Variants in MAML3 observed in about 807,000 individuals in gnomAD.
MAML3 encodes mastermind-like protein 3.
A neutral mutation model predicts 101.9 loss-of-function variants in MAML3; 27 were observed. That is an observed-to-expected ratio of 0.27 (90% CI 0.20 to 0.37). The LOEUF (loss-of-function observed/expected upper bound fraction) is 0.37. MAML3 is among the 10% of genes least tolerant of loss of function. The pLI, the probability that MAML3 is intolerant of heterozygous loss-of-function variation, is 1.00. For synonymous variants in MAML3, 501 were observed against 555.9 expected, an observed-to-expected ratio of 0.90 and a Z score of 1.39; for missense variants, 1,316 against 1,444.9, an observed-to-expected ratio of 0.91 and a Z score of 1.45.
At chr4:139,887,192 TA>T (rs1732360929) in intron 2 of MAML3, among the ~76,000 whole-genome samples, 1 of 152,222 alleles carries the variant, frequency 6.6e-6, no homozygotes, top group African/African-American at 2.4e-5. Flanking sequence ...CACAATCAGA[TA>T]AAAACAAGAA....
intron 2 of MAML3, among the ~76,000 whole-genome samples, chr4:139,760,630 A>C (rs1729736472): frequency 6.6e-6 from 1 of 152,242 alleles, no homozygotes; most frequent in Admixed American, 6.5e-5. Flanking sequence ...AAGAACTGAC[A>C]AAGTGATGAG....
chr4:140,104,408 A>ATATATTATATATTATATAATATATT (rs368174569), intron 1 of MAML3, among the ~76,000 whole-genome samples: 19 of 54,966 alleles, frequency 3.5e-4, no homozygotes, highest in South Asian at 9.1e-4. Flanking sequence ...TATAATATAT[A>ATATATTATATATTATATAATATATT]ATATAATATA....
At chr4:139,893,746 G>A (rs966217595) in intron 1 of MAML3, among the ~76,000 whole-genome samples, 1 of 152,012 alleles carries the variant, frequency 6.6e-6, no homozygotes, top group Non-Finnish European at 1.5e-5. Context: ...GTCCAGTTAT[G>A]AAGTCTTGCT....
At chr4:139,893,866 G>C (rs1241124308) in intron 1 of MAML3, among the ~76,000 whole-genome samples, 1 of 152,170 alleles carries the variant, frequency 6.6e-6, no homozygotes, top group Admixed American at 6.5e-5. Context: ...GCATAGAATA[G>C]CTACTGGGGA....
At chr4:139,733,821 G>A (rs1027975221) in intron 2 of MAML3, among the ~76,000 whole-genome samples, 1 of 152,042 alleles carries the variant, frequency 6.6e-6, no homozygotes, top group African/African-American at 2.4e-5. Context: ...GGTAGGTGGG[G>A]GACTACAGGT....
intron 1 of MAML3, among the ~76,000 whole-genome samples, chr4:139,957,458 A>G (rs1733934639): frequency 6.6e-6 from 1 of 152,222 alleles, no homozygotes. Context: ...GGCAGAGGAA[A>G]CAAAGACCAT....
At chr4:139,988,572 C>T (rs754279204) in intron 1 of MAML3, among the ~76,000 whole-genome samples, 3 of 152,078 alleles carry the variant, frequency 2.0e-5, no homozygotes, top group Non-Finnish European at 2.9e-5. Flanking sequence ...ACGGTGCCAT[C>T]CAACTGCCAT....
intron 2 of MAML3, among the ~76,000 whole-genome samples, chr4:139,831,784 A>T (rs1336263773): frequency 6.7e-6 from 1 of 149,308 alleles, no homozygotes; most frequent in Non-Finnish European, 1.5e-5. Flanking sequence ...CAGGGAGTTG[A>T]TCCCTCTCAC....
At chr4:139,864,705 A>G (rs555821523) in intron 2 of MAML3, among the ~76,000 whole-genome samples, 13 of 150,612 alleles carry the variant, frequency 8.6e-5, no homozygotes, top group African/African-American at 3.2e-4. Context: ...AAAAAGAAAA[A>G]GAAATCTTGA....
At chr4:139,833,793 G>A (rs1317176468) in intron 2 of MAML3, among the ~76,000 whole-genome samples, 2 of 152,084 alleles carry the variant, frequency 1.3e-5, no homozygotes, top group Non-Finnish European at 2.9e-5. Context: ...CAGTCCCCAG[G>A]GGCTACTGAT....
At chr4:139,769,668 T>G (rs2111065667) in intron 2 of MAML3, among the ~76,000 whole-genome samples, 2 of 151,912 alleles carry the variant, frequency 1.3e-5, no homozygotes, top group South Asian at 2.1e-4. Flanking sequence ...CAGGCTGGAG[T>G]GCAGTGGTGT....
At chr4:139,958,543 A>C (rs1733951451) in intron 1 of MAML3, among the ~76,000 whole-genome samples, 1 of 152,184 alleles carries the variant, frequency 6.6e-6, no homozygotes, top group Admixed American at 6.5e-5. Context: ...GACTTCTGCC[A>C]GGGGGAAGAC....
intron 2 of MAML3, among the ~76,000 whole-genome samples, chr4:139,829,419 C>G (rs1176105249): frequency 6.6e-6 from 1 of 152,038 alleles, no homozygotes. Flanking sequence ...CCATGAAGAG[C>G]CTGTGTTTGA....
chr4:139,868,609 C>T (rs1298852085), intron 2 of MAML3, among the ~76,000 whole-genome samples: 2 of 152,004 alleles, frequency 1.3e-5, no homozygotes, highest in African/African-American at 4.8e-5. Flanking sequence ...GTTTCTAGGC[C>T]GCGGTCTTCT....
chr4:140,021,426 G>T (rs1012593640), intron 1 of MAML3, among the ~76,000 whole-genome samples: 14 of 152,170 alleles, frequency 9.2e-5, no homozygotes, highest in African/African-American at 3.4e-4. Context: ...CCTACCTAAT[G>T]TGTGCCAGGC....
chr4:140,144,441 G>A (rs997626300), intron 1 of MAML3, among the ~76,000 whole-genome samples: 2 of 151,816 alleles, frequency 1.3e-5, no homozygotes, highest in Admixed American at 6.6e-5. Context: ...CCAGCTGCTC[G>A]GGAGGCTGAG....
chr4:139,783,699 C>G (rs1730257191), intron 2 of MAML3, among the ~76,000 whole-genome samples: 1 of 152,194 alleles, frequency 6.6e-6, no homozygotes, highest in African/African-American at 2.4e-5. Flanking sequence ...CAAGAGAGGG[C>G]TCATTTGTCT....
intron 1 of MAML3, among the ~76,000 whole-genome samples, chr4:139,960,041 A>T (rs1305937287): frequency 6.6e-6 from 1 of 152,226 alleles, no homozygotes; most frequent in East Asian, 1.9e-4. Context: ...ATCCAAGTAC[A>T]TGCTTGTCCT....
intron 2 of MAML3, among the ~76,000 whole-genome samples, chr4:139,819,942 G>T (rs1730948549): frequency 6.6e-6 from 1 of 152,148 alleles, no homozygotes; most frequent in Non-Finnish European, 1.5e-5. Context: ...ATAGTATTTT[G>T]ATGACTTGGG....
Sources: gnomAD v4.1 joint callset for allele counts (sites outside exome capture counted in the v4.1 genomes callset) on GRCh38, gnomAD v4.1.1 for gene constraint, MANE v1.5 for transcripts, NCBI Gene and HGNC (gene_info 2026-07-23, HGNC 2026-07-21) for gene names.